Variants in NRCAM observed in about 807,000 individuals in gnomAD.
NRCAM encodes the protein neuronal cell adhesion molecule.
Under a neutral mutation model 156.5 loss-of-function variants are expected in NRCAM, and 83 were observed. That is an observed-to-expected ratio of 0.53 (90% CI 0.44 to 0.64). The LOEUF is 0.64. Ranked by LOEUF, NRCAM falls within the 30% of genes least tolerant of loss-of-function variation. The probability of loss-of-function intolerance (pLI) is 0.00; values close to 1 mark genes in which losing one functional copy is unlikely to be tolerated. For synonymous variants in NRCAM, 538 were observed against 563.9 expected, an observed-to-expected ratio of 0.95 and a Z score of 0.65; for missense variants, 1,417 against 1,597.3, an observed-to-expected ratio of 0.89 and a Z score of 1.92.
intron 3 of NRCAM, among the ~76,000 whole-genome samples, chr7:108,283,909 G>A (rs1034602289): frequency 2.6e-5 from 4 of 152,044 alleles, no homozygotes; most frequent in Admixed American, 6.6e-5. Flanking sequence ...GCAGTGGTGC[G>A]ATCTTGGCTC....
chr7:108,160,907 T>C (rs117960818), intron 30 of NRCAM, among the ~76,000 whole-genome samples: 3,837 of 152,330 alleles, frequency 0.025, 74 homozygotes, highest in Middle Eastern at 0.092. Flanking sequence ...TAATTGAGTA[T>C]TTTCTCTTCA....
At chr7:108,309,334 TAA>T (rs1286495163) in intron 3 of NRCAM, among the ~76,000 whole-genome samples, 4 of 152,148 alleles carry the variant, frequency 2.6e-5, no homozygotes, top group Non-Finnish European at 5.9e-5. Context: ...TATAAAACAA[TAA>T]AGAGGTAAAT....
chr7:108,210,371 C>T (rs565941338), intron 11 of NRCAM, among the ~76,000 whole-genome samples: 12 of 152,020 alleles, frequency 7.9e-5, no homozygotes, highest in Admixed American at 3.9e-4. Flanking sequence ...CTCAGCCTCC[C>T]GAGTAGCTGG....
chr7:108,352,713 CACT>C (rs932136039), intron 2 of NRCAM, among the ~76,000 whole-genome samples: 5 of 152,240 alleles, frequency 3.3e-5, no homozygotes, highest in African/African-American at 1.2e-4. Context: ...CTTTCATTCC[CACT>C]TGGGGGAAAA....
chr7:108,199,722 G>A (rs2076958010), intron 13 of NRCAM, among the ~76,000 whole-genome samples: 2 of 152,128 alleles, frequency 1.3e-5, no homozygotes, highest in Non-Finnish European at 2.9e-5. Flanking sequence ...GCCCAAATTA[G>A]ATAGTCCAGG....
chr7:108,258,242 T>C (rs2096758894), intron 3 of NRCAM, among the ~76,000 whole-genome samples: 1 of 152,212 alleles, frequency 6.6e-6, no homozygotes, highest in South Asian at 2.1e-4. Flanking sequence ...AAAATGGCAA[T>C]AATTCCCTCT....
chr7:108,360,183 A>C (rs533049951), intron 2 of NRCAM, among the ~76,000 whole-genome samples: 1 of 152,316 alleles, frequency 6.6e-6, no homozygotes, highest in African/African-American at 2.4e-5. Context: ...GGATTCAGAC[A>C]ATAGTGGAGT....
At chr7:108,207,375 A>G in intron 13 of NRCAM, 153 bp downstream of exon 13, 1 of 615,432 alleles carries the variant, frequency 1.6e-6, no homozygotes, top group East Asian at 2.8e-5. Context: ...ATCTAATGGT[A>G]ATAAAATGCA....
At chr7:108,325,612 G>A (rs1227647084) in intron 2 of NRCAM, among the ~76,000 whole-genome samples, 1 of 151,696 alleles carries the variant, frequency 6.6e-6, no homozygotes, top group Non-Finnish European at 1.5e-5. Flanking sequence ...TCCATTCTCT[G>A]CTTTATTTTT....
chr7:108,255,667 T>C (rs1185828070), intron 3 of NRCAM, among the ~76,000 whole-genome samples: 5 of 122,966 alleles, frequency 4.1e-5, no homozygotes, highest in African/African-American at 1.6e-4. Context: ...CGGCCGCCCA[T>C]CGTCTGAGAT....
chr7:108,451,003 G>A (rs572678523), intron 1 of NRCAM, among the ~76,000 whole-genome samples: 5 of 152,274 alleles, frequency 3.3e-5, no homozygotes, highest in South Asian at 2.1e-4. Context: ...TGTATCACCT[G>A]AGGTCAGGGG....
In NRCAM at chr7:108,187,992, T is replaced by C. The variant is rs528534677; in HGVS notation, c.2035+1653A>G. ...AGTGCAAGAGGTCTATTTGGGAAAA[T>C]GTCCATGGAAGAAAAAAGGGAGAGG... On this transcript the variant is annotated intron_variant, in intron 20 of 32. Coordinates refer to ENST00000379028, the MANE Select transcript of NRCAM (RefSeq NM_001037132.4). 2.2e-4 allele frequency among the ~76,000 whole-genome samples: 33 copies of C among 150,112 alleles called. No homozygotes were observed. The South Asian group carries it at 6.5e-3, about 30-fold the overall frequency.
chr7:108,431,905 G>T (rs1374400750), intron 1 of NRCAM, among the ~76,000 whole-genome samples: 1 of 152,228 alleles, frequency 6.6e-6, no homozygotes, highest in African/African-American at 2.4e-5. Context: ...CAAACCAAAA[G>T]GTAGAGGTAA....
chr7:108,287,429 T>A (rs1003537951), intron 3 of NRCAM, among the ~76,000 whole-genome samples: 1 of 151,800 alleles, frequency 6.6e-6, no homozygotes, highest in Non-Finnish European at 1.5e-5. Context: ...AAACAATGCA[T>A]CCAACAAAGG....
At position 108,194,118 on chromosome 7, in the gene NRCAM, T is replaced by C. The variant is rs1587616529; in HGVS notation, c.1684A>G (p.Met562Val). The change falls in exon 17 of 33, where the codon ATG (methionine) becomes GTG (valine). Residue 562 changes from methionine (M) to valine (V), a missense_variant. By Grantham distance (21) the Met-to-Val change is conservative. Coordinates refer to ENST00000379028, the MANE Select transcript of NRCAM (RefSeq NM_001037132.4). ...TTCACTTTGCATTCAAAGGACACCATGCTCCCTCTTTGCACAACTGCATAT... is the reference window on the plus strand; with the variant it reads ...TTCACTTTGCATTCAAAGGACACCACGCTCCCTCTTTGCACAACTGCATAT... Reference protein sequence around the residue: ...PEYAVVQRGSMVSFECKVKHD... With the variant: ...PEYAVVQRGSVVSFECKVKHD... 1 of 1,614,162 alleles carries C rather than the reference T, an allele frequency of 6.2e-7. No homozygotes were observed. The highest frequency in any genetic ancestry group is 8.5e-7 in the Non-Finnish European group (1 of 1,179,956).
chr7:108,331,508 T>C (rs1040818978), intron 2 of NRCAM, among the ~76,000 whole-genome samples: 2 of 152,216 alleles, frequency 1.3e-5, no homozygotes, highest in Admixed American at 1.3e-4. Context: ...TGTGGTATAT[T>C]TGCCCTTGTG....
intron 3 of NRCAM, among the ~76,000 whole-genome samples, chr7:108,247,193 C>T (rs2095999375): frequency 6.6e-6 from 1 of 152,180 alleles, no homozygotes. Flanking sequence ...AAATAATAAA[C>T]TGTTGTTGTT....
chr7:108,231,757 T>C (rs1161351983), intron 7 of NRCAM, among the ~76,000 whole-genome samples: 2 of 152,198 alleles, frequency 1.3e-5, no homozygotes, highest in African/African-American at 4.8e-5. Flanking sequence ...TTAATTAGTT[T>C]TTCTACAACG....
intron 3 of NRCAM, among the ~76,000 whole-genome samples, chr7:108,272,825 T>C (rs966487851): frequency 3.9e-5 from 6 of 152,076 alleles, no homozygotes; most frequent in Admixed American, 6.6e-5. Context: ...CATAGGTATA[T>C]ATGTGCCATG....
Sources: allele counts gnomAD v4.1 joint callset (sites outside exome capture counted in the v4.1 genomes callset), GRCh38; gene constraint gnomAD v4.1.1; transcripts MANE v1.5; gene names NCBI Gene and HGNC (gene_info 2026-07-23, HGNC 2026-07-21).